Variants in LGALS8 observed in about 807,000 individuals in gnomAD.
LGALS8 encodes galectin-8.
LGALS8 carries 30 observed loss-of-function variants against 35.9 expected under a neutral mutation model. The ratio of observed to expected loss-of-function variants is 0.83; its 90% CI spans 0.62 to 1.13. The LOEUF is 1.13. Ranked by LOEUF, LGALS8 falls within the 50% of genes most tolerant of loss-of-function variation. The pLI is 0.00. For synonymous variants in LGALS8, 138 were observed against 136.1 expected (o/e 1.01, Z -0.10); for missense variants, 366 against 388.7 (o/e 0.94, Z 0.49).
At chr1:236,544,098 C>T (rs1002371972) in intron 8 of LGALS8, among the ~76,000 whole-genome samples, 2 of 152,100 alleles carry the variant, frequency 1.3e-5, no homozygotes, top group African/African-American at 4.8e-5. Flanking sequence ...AGGCGCACCA[C>T]CACGCCCAGC....
At chr1:236,542,916 C>T (rs760002308) in intron 7 of LGALS8, 129 bp downstream of exon 7, 2 of 1,614,074 alleles carry the variant, frequency 1.2e-6, no homozygotes, top group Non-Finnish European at 1.7e-6. Flanking sequence ...TCCCTACAGC[C>T]TAGTAATAGA....
chr1:236,521,960 G>A (rs1660563291), upstream of LGALS8, among the ~76,000 whole-genome samples: 1 of 152,194 alleles, frequency 6.6e-6, no homozygotes, highest in Non-Finnish European at 1.5e-5. Context: ...AGACCGATTA[G>A]GATACTGCAG....
chr1:236,535,982 T>TGAC (rs1661470031), intron 2 of LGALS8, among the ~76,000 whole-genome samples: 2 of 152,116 alleles, frequency 1.3e-5, no homozygotes, highest in South Asian at 4.1e-4. Flanking sequence ...GAGGTAAAGG[T>TGAC]GATGAGCCAG....
chr1:236,532,668 C>A (rs1303109069), intron 2 of LGALS8, among the ~76,000 whole-genome samples: 1 of 152,002 alleles, frequency 6.6e-6, no homozygotes, highest in East Asian at 1.9e-4. Context: ...TTGGTAAAAC[C>A]CCATCTCTAC....
chr1:236,538,846 A>T (rs763119987), intron 3 of LGALS8, 33 bp from the exon 4 acceptor site: 1 of 1,538,712 alleles, frequency 6.5e-7, no homozygotes, highest in African/African-American at 1.4e-5. Flanking sequence ...CTTTCTGAGC[A>T]CTCATGGGGC....
upstream of LGALS8, among the ~76,000 whole-genome samples, chr1:236,520,161 T>C (rs1660512058): frequency 6.6e-6 from 1 of 151,936 alleles, no homozygotes; most frequent in Non-Finnish European, 1.5e-5. Flanking sequence ...TTCACCATAT[T>C]GGCCAGGCTG....
chr1:236,528,710 T>A (rs1308683898), intron 2 of LGALS8, among the ~76,000 whole-genome samples: 1 of 151,666 alleles, frequency 6.6e-6, no homozygotes, highest in Non-Finnish European at 1.5e-5. Context: ...ATTTTTGTAT[T>A]TTTTTTGGTA....
At position 236,526,153 on chromosome 1, in the gene LGALS8, A is replaced by G. The variant is rs1189455866; in HGVS notation, c.45+38A>G. ...TATAAGATAACTTTTTACCTATGCC[A>G]GGACAGATCCAATAGAATATTAATT... On this transcript the variant is annotated intron_variant, in intron 2 of 9. Transcript: ENST00000366584. The surrounding 1 kb of genome is among the most constrained non-coding windows in gnomAD (Gnocchi z 4.6). The G allele has an allele frequency of 7.2e-7, 1 of 1,393,570 alleles. No individual in the cohort carries two copies. The highest frequency in any genetic ancestry group is 2.3e-5 in the East Asian group (1 of 43,836). The allele number at this position is 1,393,570 out of a possible 1,614,324, so 86.3% of individuals were successfully genotyped here.
At chr1:236,531,528 T>C (rs970702853) in intron 2 of LGALS8, among the ~76,000 whole-genome samples, 2 of 152,154 alleles carry the variant, frequency 1.3e-5, no homozygotes, top group Admixed American at 6.5e-5. Context: ...GGTTTCACCA[T>C]GTTAGCCAGG....
intron 2 of LGALS8, among the ~76,000 whole-genome samples, chr1:236,531,191 G>A (rs1661120603): frequency 1.3e-5 from 2 of 152,056 alleles, no homozygotes; most frequent in East Asian, 1.9e-4. Context: ...GATTATATCC[G>A]GTGCTATAGT....
chr1:236,532,513 G>A (rs573410390), intron 2 of LGALS8, among the ~76,000 whole-genome samples: 125 of 152,252 alleles, frequency 8.2e-4, no homozygotes, highest in Non-Finnish European at 3.2e-4. Context: ...TTCACACCAA[G>A]TATTACAAAC....
chr1:236,541,010 C>A (rs552754280), intron 5 of LGALS8, among the ~76,000 whole-genome samples: 2 of 152,192 alleles, frequency 1.3e-5, no homozygotes, highest in Non-Finnish European at 2.9e-5. Flanking sequence ...AGTCAAAGAG[C>A]ACAGTCATGT....
At position 236,545,179 on chromosome 1, in the gene LGALS8, T is replaced by C. The variant is rs190299059; in HGVS notation, c.804+264T>C. The C allele has an allele frequency of 1.4e-4, 37 of 261,094 alleles. 1 individual carries two copies. In the East Asian group the frequency reaches 2.7e-3, roughly 19 times the overall value. 16.2% of individuals were successfully genotyped at this position (261,094 alleles called of 1,614,324 possible). On this transcript the variant is annotated intron_variant, in intron 9 of 9. Transcript: ENST00000366584. ...CTGTGTAGCCCCATATTGATAGGAA[T>C]TTAACCAGGAAGCTTGTCTCAGGAC...
chr1:236,531,897 G>A (rs1393034077), intron 2 of LGALS8, among the ~76,000 whole-genome samples: 1 of 152,158 alleles, frequency 6.6e-6, no homozygotes, highest in African/African-American at 2.4e-5. Context: ...AAACGGAAAG[G>A]CACCTGGGGT....
chr1:236,527,011 A>G (rs1571989293), intron 2 of LGALS8, among the ~76,000 whole-genome samples: 1 of 152,218 alleles, frequency 6.6e-6, no homozygotes, highest in East Asian at 1.9e-4. Context: ...TAGTAAGTTT[A>G]AAAAAGATGA....
At chr1:236,521,915 G>C (rs372307381), upstream of LGALS8, among the ~76,000 whole-genome samples, 79 of 152,198 alleles carry the variant, frequency 5.2e-4, no homozygotes, top group South Asian at 0.014. Context: ...GTTGTGTTGA[G>C]ACTACATTGC....
chr1:236,542,904 T>C (rs928015765), intron 7 of LGALS8, 117 bp downstream of exon 7: 2 of 1,614,026 alleles, frequency 1.2e-6, no homozygotes, highest in Non-Finnish European at 1.7e-6. Flanking sequence ...TGTAGAACTG[T>C]TTCCCTACAG....
rs908946894 is a variant in LGALS8, at chr1:236,551,169, C to G, written c.*3008C>G. The G allele has an allele frequency of 1.8e-6, 1 of 559,264 alleles. No individual in the cohort carries two copies. Among genetic ancestry groups the G allele is most frequent in the Admixed American group, 3.5e-5 (1 of 28,526 alleles). 34.6% of individuals were successfully genotyped at this position (559,264 alleles called of 1,614,324 possible). A position where few individuals can be genotyped will look rare whatever the true frequency, so the allele number is the denominator to read the frequency against. On this transcript the variant is annotated 3_prime_UTR_variant, in exon 10 of 10. Coordinates refer to ENST00000366584, the MANE Select transcript of LGALS8 (RefSeq NM_201544.4). ...ACCGCCTCCCTCCACACCGCTCCTT[C>G]CGCCTTCATTCCTTGCCCACAGGCT...
chr1:236,520,271 C>T (rs939128573), upstream of LGALS8, among the ~76,000 whole-genome samples: 4 of 150,516 alleles, frequency 2.7e-5, no homozygotes, highest in East Asian at 3.9e-4. Flanking sequence ...TTTTTGTTTT[C>T]GTAATTTTAA....
Sources: gnomAD v4.1 joint callset for allele counts (sites outside exome capture counted in the v4.1 genomes callset) on GRCh38, gnomAD v4.1.1 for gene constraint, Gnocchi (gnomAD v3.1) non-coding constraint, MANE v1.5 for transcripts, NCBI Gene and HGNC (gene_info 2026-07-23, HGNC 2026-07-21) for gene names.